Variants in ARHGEF38 observed in about 807,000 individuals in gnomAD.
ARHGEF38 encodes Rho guanine nucleotide exchange factor 38.
ARHGEF38 carries 79 observed loss-of-function variants against 79.9 expected under a neutral mutation model. That is an observed-to-expected ratio of 0.99 (90% CI 0.82 to 1.19). The LOEUF (loss-of-function observed/expected upper bound fraction) is 1.19, where lower values mean the gene tolerates loss of function less well. ARHGEF38 is among the 50% of genes most tolerant of loss of function. The pLI is 0.00. For missense variants in ARHGEF38, 962 were observed against 907.2 expected (o/e 1.06, Z -0.78); for synonymous variants, 366 against 328.3 (o/e 1.11, Z -1.24).
intron 5 of ARHGEF38, among the ~76,000 whole-genome samples, chr4:105,644,268 A>G (rs982519124): frequency 2.0e-5 from 3 of 152,226 alleles, no homozygotes; most frequent in African/African-American, 7.2e-5. Context: ...CCATAGCAAT[A>G]CTTTAAAAAA....
intron 1 of ARHGEF38, among the ~76,000 whole-genome samples, chr4:105,586,181 A>G (rs958327813): frequency 6.7e-6 from 1 of 148,766 alleles, no homozygotes; most frequent in African/African-American, 2.5e-5. Flanking sequence ...GCAGAGAAAG[A>G]TCTTACAAAA....
At chr4:105,649,168 C>G (rs1729986048) in intron 7 of ARHGEF38, among the ~76,000 whole-genome samples, 1 of 151,986 alleles carries the variant, frequency 6.6e-6, no homozygotes, top group African/African-American at 2.4e-5. Flanking sequence ...ATTATTTTTT[C>G]TACTCCTTAT....
intron 1 of ARHGEF38, among the ~76,000 whole-genome samples, chr4:105,571,887 A>G (rs958901421): frequency 6.6e-6 from 1 of 152,214 alleles, no homozygotes; most frequent in Non-Finnish European, 1.5e-5. Flanking sequence ...AGGAAATTTG[A>G]TGCAGCATAC....
intron 1 of ARHGEF38, among the ~76,000 whole-genome samples, chr4:105,566,295 G>T (rs1323075500): frequency 6.6e-6 from 1 of 152,050 alleles, no homozygotes; most frequent in Non-Finnish European, 1.5e-5. Flanking sequence ...TTCACCTTGT[G>T]CTACCTGTTT....
At chr4:105,629,682 A>C (rs3822277) in intron 3 of ARHGEF38, among the ~76,000 whole-genome samples, 47,876 of 150,576 alleles carry the variant, frequency 0.32, 10,824 homozygotes, top group African/African-American at 0.64. Context: ...TAGTGGATGC[A>C]TAATACTTAT....
intron 1 of ARHGEF38, among the ~76,000 whole-genome samples, chr4:105,566,179 C>T (rs1725877808): frequency 6.6e-6 from 1 of 152,194 alleles, no homozygotes; most frequent in African/African-American, 2.4e-5. Context: ...TTTTCACAAC[C>T]TCTATCACTT....
intron 3 of ARHGEF38, 125 bp downstream of exon 3, chr4:105,613,632 C>G: frequency 9.9e-7 from 1 of 1,012,744 alleles, no homozygotes; most frequent in Non-Finnish European, 1.4e-6. Context: ...ATGCTAAACC[C>G]ATCTTTGGGC....
intron 1 of ARHGEF38, among the ~76,000 whole-genome samples, chr4:105,585,314 G>T (rs1283912333): frequency 1.3e-5 from 2 of 152,168 alleles, no homozygotes; most frequent in Non-Finnish European, 2.9e-5. Context: ...AGGAAACCAA[G>T]GCTCTGTGAG....
intron 7 of ARHGEF38, among the ~76,000 whole-genome samples, chr4:105,653,013 A>G (rs977882476): frequency 6.6e-6 from 1 of 152,194 alleles, no homozygotes; most frequent in African/African-American, 2.4e-5. Flanking sequence ...ACCCTATTCC[A>G]TGAAGCATTT....
Position 105,645,284 on chromosome 4 carries a change from C to T in ARHGEF38, c.771C>T (p.Ser257=). 2 of 1,536,572 alleles carry T rather than the reference C, an allele frequency of 1.3e-6. No homozygotes were observed. Among genetic ancestry groups the T allele is most frequent in the Non-Finnish European group, 1.7e-6 (2 of 1,146,964 alleles). ...YPLLLCELRN[S]TPPSHPDYRA... ...TATTACTGTGCGAACTTCGGAATTCCACCCCTCCCTCTCACCCAGATTACA... is the reference window on the plus strand; with the variant it reads ...TATTACTGTGCGAACTTCGGAATTCTACCCCTCCCTCTCACCCAGATTACA... The change falls in exon 6 of 14, where the codon TCC becomes TCT. Residue 257 remains serine (S), a synonymous_variant. Coordinates refer to ENST00000420470, the MANE Select transcript of ARHGEF38 (RefSeq NM_001242729.2).
chr4:105,659,056 A>T lies in ARHGEF38; in HGVS notation c.1236A>T (p.Ala412=), dbSNP rs1478355472. The T allele has an allele frequency of 2.0e-6, 3 of 1,528,912 alleles. No homozygotes were observed. In the African/African-American group the frequency reaches 4.1e-5, roughly 21 times the overall value. The allele number at this position is 1,528,912 out of a possible 1,614,324, so 94.7% of individuals were successfully genotyped here. Residue 412 remains alanine, a splice_region_variant and synonymous_variant, in exon 10 of 14, where the codon GCA becomes GCT. Transcript: ENST00000420470. ...GGGCTCATTTTTTCTTTTGGCAGGC[A>T]TCTCACTTACAGAGACTCATCCTGA... ...SNALNSCHDF[A]SHLQRLILTP...
Position 105,630,970 on chromosome 4 carries a change from C to T in ARHGEF38, c.581C>T (p.Ala194Val). 1 of 1,613,680 alleles carries T rather than the reference C, an allele frequency of 6.2e-7. No individual in the cohort carries two copies. The highest frequency in any genetic ancestry group is 8.5e-7 in the Non-Finnish European group (1 of 1,179,784). Reference sequence around the variant, plus strand: ...ATCTACTGCTATCACCATGATGAAGCACATAGTATACTGGAGTCCTATGAA... The same window carrying T: ...ATCTACTGCTATCACCATGATGAAGTACATAGTATACTGGAGTCCTATGAA... Reference protein sequence around the residue: ...YKIYCYHHDEAHSILESYEKE... With the variant: ...YKIYCYHHDEVHSILESYEKE... Residue 194 changes from alanine (A) to valine (V), a missense_variant, in exon 4 of 14, where the codon GCA (alanine) becomes GTA (valine). Coordinates refer to ENST00000420470, the MANE Select transcript of ARHGEF38 (RefSeq NM_001242729.2).
At chr4:105,557,846 C>T (rs1325740578) in intron 1 of ARHGEF38, among the ~76,000 whole-genome samples, 3 of 152,070 alleles carry the variant, frequency 2.0e-5, no homozygotes, top group East Asian at 1.9e-4. Flanking sequence ...CCAACCAAGA[C>T]GGGTCGATTA....
chr4:105,575,600 G>A (rs1726457546), intron 1 of ARHGEF38, among the ~76,000 whole-genome samples: 1 of 152,088 alleles, frequency 6.6e-6, no homozygotes, highest in African/African-American at 2.4e-5. Context: ...ACTCTTGATT[G>A]TCTGTTTATT....
rs114373945 is a variant in ARHGEF38 at position 105,595,058 on chromosome 4, T to C, written c.384+5623T>C. Among the ~76,000 whole-genome samples, 928 of 152,316 alleles carry C rather than the reference T, an allele frequency of 6.1e-3. 8 individuals carry two copies. Among genetic ancestry groups the C allele is most frequent in the African/African-American group, 0.021 (893 of 41,560 alleles). On this transcript the variant is annotated intron_variant, in intron 2 of 13. Coordinates refer to ENST00000420470, the MANE Select transcript of ARHGEF38 (RefSeq NM_001242729.2). ...GGAATAGCTGGAGGAATTTGAGTACTGTACTTATTTTTATTTTTCTTTGTT... is the reference window on the plus strand; with the variant it reads ...GGAATAGCTGGAGGAATTTGAGTACCGTACTTATTTTTATTTTTCTTTGTT...
rs59437354 is a variant in ARHGEF38 at position 105,561,400 on chromosome 4, T to TAGAAAATAGAATGGAATAGAATGG, written c.196+8440_196+8441insGAAAATAGAATGGAATAGAATGGA. ...CTGGAGTCTCAAAAATAGAGTAGAATAATAGAATAGAATAGAATAGAATGG... is the reference window on the plus strand; with the variant it reads ...CTGGAGTCTCAAAAATAGAGTAGAATAGAAAATAGAATGGAATAGAATGGAATAGAATAGAATAGAATAGAATGG... On this transcript the variant is annotated intron_variant, in intron 1 of 13. Coordinates refer to ENST00000420470, the MANE Select transcript of ARHGEF38 (RefSeq NM_001242729.2). Among the ~76,000 whole-genome samples the TAGAAAATAGAATGGAATAGAATGG allele has an allele frequency of 4.3e-4, 13 of 30,186 alleles. 2 individuals are homozygous for TAGAAAATAGAATGGAATAGAATGG. The highest frequency in any genetic ancestry group is 2.0e-3 in the Admixed American group (5 of 2,502). 19.8% of individuals were successfully genotyped at this position (30,186 alleles called of 152,430 possible). A position where few individuals can be genotyped will look rare whatever the true frequency, so the allele number is the denominator to read the frequency against.
At chr4:105,557,391 A>T (rs1725301432) in intron 1 of ARHGEF38, among the ~76,000 whole-genome samples, 1 of 152,134 alleles carries the variant, frequency 6.6e-6, no homozygotes, top group Non-Finnish European at 1.5e-5. Context: ...ACTAACATTC[A>T]GGAGTCTTTT....
At chr4:105,606,625 G>A (rs956042372) in intron 2 of ARHGEF38, among the ~76,000 whole-genome samples, 1 of 152,036 alleles carries the variant, frequency 6.6e-6, no homozygotes, top group South Asian at 2.1e-4. Flanking sequence ...ATAATGAAAA[G>A]CGTGATCTAT....
chr4:105,676,288 A>G lies in ARHGEF38; in HGVS notation c.2149-1464A>G, dbSNP rs115540871. Among the ~76,000 whole-genome samples, 878 of 152,298 alleles carry G rather than the reference A, an allele frequency of 5.8e-3. 8 individuals carry two copies. The highest frequency in any genetic ancestry group is 0.02 in the African/African-American group (847 of 41,572). On this transcript the variant is annotated intron_variant, in intron 13 of 13. Transcript: ENST00000420470. The stretch of plus-strand genomic sequence containing the variant: ...TCATCTCCGTACCTTCAAATATGAC[A>G]TATTCATGCCTTTTGTCAGCTTTGT...
Sources: gnomAD v4.1 joint callset for allele counts (sites outside exome capture counted in the v4.1 genomes callset) on GRCh38, gnomAD v4.1.1 for gene constraint, MANE v1.5 for transcripts, NCBI Gene and HGNC (gene_info 2026-07-23, HGNC 2026-07-21) for gene names.